The following SHISA6 variants were observed in gnomAD, a reference collection of about 807,000 sequenced individuals.
SHISA6 encodes the protein shisa family member 6, also known as protein shisa-6.
In SHISA6, 22 loss-of-function variants were observed where a neutral mutation model predicts 47.9. That is an observed-to-expected ratio of 0.46 (90% CI 0.33 to 0.66). The LOEUF (loss-of-function observed/expected upper bound fraction) is 0.66. Among genes scored for constraint, SHISA6 ranks in the 30% least tolerant of loss-of-function variants. The pLI is 0.02. For synonymous variants in SHISA6, 388 were observed against 337.8 expected (o/e 1.15, Z -1.63); for missense variants, 680 against 764.6 (o/e 0.89, Z 1.30).
At chr17:11,391,665 C>T (rs937046907) in intron 3 of SHISA6, among the ~76,000 whole-genome samples, 6 of 152,118 alleles carry the variant, frequency 3.9e-5, no homozygotes, top group Non-Finnish European at 5.9e-5. Flanking sequence ...ATTTCGTGCT[C>T]CCCAGAGACT....
chr17:11,379,045 A>G (rs1303127581), intron 2 of SHISA6, among the ~76,000 whole-genome samples: 1 of 151,502 alleles, frequency 6.6e-6, no homozygotes, highest in African/African-American at 2.4e-5. Flanking sequence ...CTATACTTTC[A>G]ATGTAATGTA....
chr17:11,481,354 GTGTGTGTGTGTGTA>G (rs1012604802), intron 3 of SHISA6, among the ~76,000 whole-genome samples: 2 of 114,110 alleles, frequency 1.8e-5, no homozygotes, highest in African/African-American at 7.3e-5. Context: ...GTGTGTGTGT[GTGTGTGTGTGTGTA>G]TATATATATA....
At chr17:11,352,150 G>C (rs950322521) in intron 2 of SHISA6, among the ~76,000 whole-genome samples, 2 of 151,792 alleles carry the variant, frequency 1.3e-5, no homozygotes, top group African/African-American at 4.8e-5. Flanking sequence ...GGAAGGAGGA[G>C]AGAGAGGGTA....
chr17:11,270,142 A>T (rs1908584603), intron 2 of SHISA6, among the ~76,000 whole-genome samples: 1 of 151,970 alleles, frequency 6.6e-6, no homozygotes, highest in African/African-American at 2.4e-5. Flanking sequence ...CCCCCAGCTA[A>T]TTTTTGTATT....
intron 1 of SHISA6, among the ~76,000 whole-genome samples, chr17:11,253,775 C>G (rs1313637982): frequency 1.3e-5 from 2 of 152,194 alleles, no homozygotes; most frequent in South Asian, 2.1e-4. Flanking sequence ...CCAACTCTCT[C>G]TCTTTCGGCT....
chr17:11,500,146 G>C (rs2071439546), intron 3 of SHISA6, among the ~76,000 whole-genome samples: 1 of 152,154 alleles, frequency 6.6e-6, no homozygotes, highest in Non-Finnish European at 1.5e-5. Flanking sequence ...CTGGCCAAGG[G>C]AATCTGACCT....
chr17:11,401,048 T>A (rs1181300702), intron 3 of SHISA6, among the ~76,000 whole-genome samples: 1 of 152,226 alleles, frequency 6.6e-6, no homozygotes, highest in African/African-American at 2.4e-5. Flanking sequence ...GTGTTTCTAG[T>A]GGGATTGTTG....
intron 1 of SHISA6, among the ~76,000 whole-genome samples, chr17:11,250,216 C>T (rs562669940): frequency 1.8e-4 from 28 of 152,270 alleles, no homozygotes; most frequent in African/African-American, 6.5e-4. Flanking sequence ...CCCAGTTTTA[C>T]GGGATGTATG....
At chr17:11,501,473 G>C (rs2071452473) in intron 3 of SHISA6, among the ~76,000 whole-genome samples, 1 of 152,144 alleles carries the variant, frequency 6.6e-6, no homozygotes, top group South Asian at 2.1e-4. Context: ...AGACAACAAA[G>C]ATTATGAAGT....
intron 3 of SHISA6, among the ~76,000 whole-genome samples, chr17:11,383,961 T>C (rs1913114989): frequency 6.6e-6 from 1 of 152,184 alleles, no homozygotes; most frequent in South Asian, 2.1e-4. Context: ...GAAAACTCAG[T>C]GATGAAGACT....
intron 2 of SHISA6, among the ~76,000 whole-genome samples, chr17:11,352,477 C>T (rs1354600039): frequency 6.6e-6 from 1 of 152,162 alleles, no homozygotes; most frequent in Non-Finnish European, 1.5e-5. Flanking sequence ...TTCAAGTGGA[C>T]TGCAAGATGG....
intron 3 of SHISA6, among the ~76,000 whole-genome samples, chr17:11,549,028 G>A (rs1456960840): frequency 2.0e-5 from 3 of 152,166 alleles, no homozygotes; most frequent in Admixed American, 6.5e-5. Context: ...CTATAAAAAT[G>A]CCACAGCCAA....
At chr17:11,480,238 G>A (rs973725804) in intron 3 of SHISA6, among the ~76,000 whole-genome samples, 1 of 152,024 alleles carries the variant, frequency 6.6e-6, no homozygotes, top group African/African-American at 2.4e-5. Flanking sequence ...ACATTCTATT[G>A]TTTGATAATG....
At chr17:11,370,392 G>A (rs1467530109) in intron 2 of SHISA6, among the ~76,000 whole-genome samples, 1 of 152,158 alleles carries the variant, frequency 6.6e-6, no homozygotes, top group African/African-American at 2.4e-5. Flanking sequence ...GGTCTCAGCT[G>A]GAGACGTCCA....
chr17:11,267,657 A>C (rs1908477061), intron 2 of SHISA6, among the ~76,000 whole-genome samples: 1 of 152,200 alleles, frequency 6.6e-6, no homozygotes, highest in African/African-American at 2.4e-5. Context: ...CTGTCAAATA[A>C]GGAAAAGATT....
chr17:11,371,813 C>T (rs910890228), intron 2 of SHISA6, among the ~76,000 whole-genome samples: 7 of 151,810 alleles, frequency 4.6e-5, no homozygotes, highest in South Asian at 2.1e-4. Flanking sequence ...TAAAATAACA[C>T]GTTTAGAATA....
At chr17:11,283,497 G>A (rs1359987760) in intron 2 of SHISA6, among the ~76,000 whole-genome samples, 1 of 152,062 alleles carries the variant, frequency 6.6e-6, no homozygotes, top group African/African-American at 2.4e-5. Context: ...AAATTAAGTG[G>A]GTCTAAAGCC....
At position 11,469,952 on chromosome 17, in the gene SHISA6, C is replaced by T. The variant is rs7210720; in HGVS notation, c.896-81944C>T. Among the ~76,000 whole-genome samples the T allele has an allele frequency of 5.3e-3, 803 of 152,238 alleles. 7 individuals carry two copies. Among genetic ancestry groups the T allele is most frequent in the African/African-American group, 0.018 (750 of 41,540 alleles). On this transcript the variant is annotated intron_variant, in intron 3 of 5. Transcript: ENST00000441885. ...GTTGAATGAGGTCATAAGAATGAGG[C>T]CCTAATCCTATAGAACTGGTGTCCA...
intron 2 of SHISA6, among the ~76,000 whole-genome samples, chr17:11,348,488 G>A (rs1911770951): frequency 6.6e-6 from 1 of 151,996 alleles, no homozygotes; most frequent in Admixed American, 6.6e-5. Context: ...ATTATTTAAT[G>A]CAATAATTTA....
Sources: gnomAD v4.1 joint callset for allele counts (sites outside exome capture counted in the v4.1 genomes callset) on GRCh38, gnomAD v4.1.1 for gene constraint, MANE v1.5 for transcripts, NCBI Gene and HGNC (gene_info 2026-07-23, HGNC 2026-07-21) for gene names.